Variants in TSPEAR observed in about 807,000 individuals in gnomAD.
TSPEAR encodes the protein thrombospondin-type laminin G domain and EAR repeat-containing protein.
In TSPEAR, 69 loss-of-function variants were observed where a neutral mutation model predicts 71.6. That is an observed-to-expected ratio of 0.96 (90% CI 0.79 to 1.18). TSPEAR has a LOEUF of 1.18. Ranked by LOEUF, TSPEAR falls within the 50% of genes most tolerant of loss-of-function variation. The pLI is 0.00. For synonymous variants in TSPEAR, 402 were observed against 387.2 expected, an observed-to-expected ratio of 1.04 and a Z score of -0.45; for missense variants, 971 against 894.9, an observed-to-expected ratio of 1.09 and a Z score of -1.09.
intron 1 of TSPEAR, among the ~76,000 whole-genome samples, chr21:44,660,633 A>T (rs587597593): frequency 2.0e-5 from 3 of 152,358 alleles, no homozygotes; most frequent in Admixed American, 6.5e-5. Context: ...TGAGCCAAGG[A>T]ATATGATAGC....
At chr21:44,700,870 T>G (rs953651419) in intron 1 of TSPEAR, among the ~76,000 whole-genome samples, 2 of 152,048 alleles carry the variant, frequency 1.3e-5, no homozygotes, top group African/African-American at 2.4e-5. Flanking sequence ...GTGGGGTGAG[T>G]GGACCATGAC....
chr21:44,528,170 C>T (rs1334278791), intron 6 of TSPEAR, among the ~76,000 whole-genome samples: 13 of 152,156 alleles, frequency 8.5e-5, no homozygotes, highest in African/African-American at 2.9e-4. Flanking sequence ...TGCACAGGCT[C>T]GAGGCTCCTG....
chr21:44,646,384 CCTCA>C (rs1326718986), intron 1 of TSPEAR: 5 of 1,543,578 alleles, frequency 3.2e-6, no homozygotes, highest in Non-Finnish European at 4.4e-6. Flanking sequence ...GCCCTGAGCA[CCTCA>C]CTCACTCACT....
intron 1 of TSPEAR, among the ~76,000 whole-genome samples, chr21:44,680,082 C>A (rs1430210472): frequency 6.6e-6 from 1 of 152,156 alleles, no homozygotes; most frequent in Non-Finnish European, 1.5e-5. Context: ...ACGGAACAAT[C>A]AACAGAGTGA....
intron 9 of TSPEAR, among the ~76,000 whole-genome samples, chr21:44,512,543 C>T (rs2052421428): frequency 6.6e-6 from 1 of 152,064 alleles, no homozygotes; most frequent in African/African-American, 2.4e-5. Context: ...GGGCAGGTGG[C>T]AGGAGCGTAG....
In TSPEAR at chr21:44,506,123, A is replaced by G. The variant is rs782653002; in HGVS notation, c.1755-1242T>C. On this transcript the variant is annotated intron_variant, in intron 10 of 11. Transcript: ENST00000323084. This position sits in a 1 kb window ranked among gnomAD's most constrained non-coding sequence, Gnocchi z 4.2. Reference sequence around the variant, plus strand: ...CCTGCTCGTTCACAGATGTTCTCCTAGAAGCAGAAGCTGTTTCTTGTTGCA... The same window carrying G: ...CCTGCTCGTTCACAGATGTTCTCCTGGAAGCAGAAGCTGTTTCTTGTTGCA... Among the ~76,000 whole-genome samples, 4 of 152,202 alleles carry G rather than the reference A, an allele frequency of 2.6e-5. No homozygotes were observed. The highest frequency in any genetic ancestry group is 4.4e-5 in the Non-Finnish European group (3 of 68,032).
chr21:44,628,491 C>T (rs1283315754), intron 1 of TSPEAR, among the ~76,000 whole-genome samples: 1 of 152,068 alleles, frequency 6.6e-6, no homozygotes, highest in South Asian at 2.1e-4. Context: ...GCTGGGGGGC[C>T]TCGGGGGGCT....
At chr21:44,633,165 A>G (rs1983352504) in intron 1 of TSPEAR, among the ~76,000 whole-genome samples, 1 of 152,160 alleles carries the variant, frequency 6.6e-6, no homozygotes, top group African/African-American at 2.4e-5. Context: ...TGCTTTCAAA[A>G]AACTAATTTT....
At chr21:44,511,280 A>G (rs1340854843) in intron 9 of TSPEAR, among the ~76,000 whole-genome samples, 2 of 151,792 alleles carry the variant, frequency 1.3e-5, no homozygotes, top group Non-Finnish European at 2.9e-5. Flanking sequence ...ATACATACAC[A>G]AACATGGATG....
Position 44,583,244 on chromosome 21 carries a change from G to A in TSPEAR, c.83-15239C>T, listed in dbSNP as rs782399595. Among the ~76,000 whole-genome samples, 77 of 152,220 alleles carry A rather than the reference G, an allele frequency of 5.1e-4. 1 individual carries two copies. Among genetic ancestry groups the A allele is most frequent in the Non-Finnish European group, 1.0e-3 (68 of 68,042 alleles). On this transcript the variant is annotated intron_variant, in intron 1 of 11. Transcript: ENST00000323084. ...GGCTGGGGGAGGGAGGTGCTGGGAG[G>A]GGATGTGAGTCTGGAGGGCAGGGTG... is the stretch of plus-strand genomic sequence containing the variant.
chr21:44,702,493 G>C, intron 1 of TSPEAR: 1 of 1,608,454 alleles, frequency 6.2e-7, no homozygotes, highest in Non-Finnish European at 8.5e-7. Flanking sequence ...CTGCAAGCCT[G>C]TCTGTTGCAA....
chr21:44,594,290 A>G (rs1424562732), intron 1 of TSPEAR, among the ~76,000 whole-genome samples: 1 of 152,206 alleles, frequency 6.6e-6, no homozygotes, highest in African/African-American at 2.4e-5. Context: ...TCAAATGTAA[A>G]GTGGGGAAGG....
intron 1 of TSPEAR, among the ~76,000 whole-genome samples, chr21:44,691,531 G>A (rs1054033337): frequency 1.3e-5 from 2 of 152,328 alleles, no homozygotes; most frequent in Middle Eastern, 6.8e-3. Flanking sequence ...TCAAAGATAT[G>A]AGAATTAGAA....
intron 1 of TSPEAR, chr21:44,601,807 G>A (rs12627104): frequency 0.064 from 99,189 of 1,547,394 alleles, 9,516 homozygotes; most frequent in African/African-American, 0.43. Flanking sequence ...TACCCTTGAC[G>A]GCTCTCCACA....
At chr21:44,654,717 C>A in intron 1 of TSPEAR, 2 of 750,820 alleles carry the variant, frequency 2.7e-6, no homozygotes, top group Non-Finnish European at 4.3e-6. Flanking sequence ...TGGCAACAAG[C>A]CCCCTGGCAT....
intron 1 of TSPEAR, among the ~76,000 whole-genome samples, chr21:44,650,550 CAG>C (rs1228762750): frequency 6.6e-6 from 1 of 152,224 alleles, no homozygotes; most frequent in Non-Finnish European, 1.5e-5. Context: ...GAAAACAGGA[CAG>C]AGTCATCCCC....
intron 1 of TSPEAR, among the ~76,000 whole-genome samples, chr21:44,672,893 T>C (rs1353169991): frequency 1.3e-5 from 2 of 152,216 alleles, no homozygotes; most frequent in Non-Finnish European, 2.9e-5. Context: ...ACATTCCAGC[T>C]TCCCATTTGC....
intron 1 of TSPEAR, chr21:44,627,399 G>C: frequency 6.2e-7 from 1 of 1,613,984 alleles, no homozygotes; most frequent in Non-Finnish European, 8.5e-7. Flanking sequence ...GCTCCTGCAC[G>C]CCCTCGTGCT....
chr21:44,707,721 C>T (rs1432830683), intron 1 of TSPEAR, among the ~76,000 whole-genome samples: 1 of 152,154 alleles, frequency 6.6e-6, no homozygotes, highest in Admixed American at 6.5e-5. Context: ...GGGTCCTTAA[C>T]TCTGAGATTT....
Sources: gnomAD v4.1 joint callset for allele counts (sites outside exome capture counted in the v4.1 genomes callset) on GRCh38, gnomAD v4.1.1 for gene constraint, Gnocchi (gnomAD v3.1) non-coding constraint, MANE v1.5 for transcripts, NCBI Gene and HGNC (gene_info 2026-07-23, HGNC 2026-07-21) for gene names.